Variants in RPS6KC1 observed in about 807,000 individuals in gnomAD.
The protein encoded by RPS6KC1 is ribosomal protein S6 kinase C1, also known as inactive ribosomal protein S6 kinase delta-1.
A neutral mutation model predicts 103.8 loss-of-function variants in RPS6KC1; 54 were observed. The observed-to-expected ratio is 0.52, with a 90% confidence interval of 0.42 to 0.65. The LOEUF (loss-of-function observed/expected upper bound fraction) is 0.65. Ranked by LOEUF, RPS6KC1 falls within the 30% of genes least tolerant of loss-of-function variation. The probability of loss-of-function intolerance (pLI) is 0.00; values close to 1 mark genes in which losing one functional copy is unlikely to be tolerated. For missense variants in RPS6KC1, 1,151 were observed against 1,253.8 expected (o/e 0.92, Z 1.24); for synonymous variants, 439 against 438.7 (o/e 1.00, Z -0.01).
At chr1:213,171,300 G>A (rs934682213) in intron 7 of RPS6KC1, among the ~76,000 whole-genome samples, 6 of 150,566 alleles carry the variant, frequency 4.0e-5, no homozygotes, top group Non-Finnish European at 8.9e-5. Context: ...AAGGAAATGA[G>A]GTTTTTTTTA....
chr1:213,062,552 G>C (rs1170613122), intron 1 of RPS6KC1, among the ~76,000 whole-genome samples: 1 of 151,960 alleles, frequency 6.6e-6, no homozygotes, highest in Non-Finnish European at 1.5e-5. Flanking sequence ...AGATAAGAGA[G>C]TGCTTTTGAA....
chr1:213,336,880 T>C, the RPS6KC1 span, among the ~76,000 whole-genome samples: 1 of 152,214 alleles, frequency 6.6e-6, no homozygotes, highest in Non-Finnish European at 1.5e-5. Flanking sequence ...GGGGGTACCA[T>C]TCCCATTGTA....
At chr1:213,718,903 C>T in the RPS6KC1 span, among the ~76,000 whole-genome samples, 37,626 of 152,114 alleles carry the variant, frequency 0.25, 5,842 homozygotes, top group East Asian at 0.55. Flanking sequence ...GCTGCTGGTG[C>T]GTTGACTGCA....
At chr1:213,854,806 C>T in the RPS6KC1 span, among the ~76,000 whole-genome samples, 4 of 152,222 alleles carry the variant, frequency 2.6e-5, no homozygotes, top group African/African-American at 7.2e-5. Context: ...TGGTTAGAGT[C>T]TTCGCTGAGC....
At chr1:213,364,826 C>T in the RPS6KC1 span, among the ~76,000 whole-genome samples, 30 of 151,998 alleles carry the variant, frequency 2.0e-4, no homozygotes, top group South Asian at 2.1e-4. Context: ...GGCATAGTGG[C>T]GGGCACCTGT....
At chr1:213,807,200 G>A in the RPS6KC1 span, among the ~76,000 whole-genome samples, 12 of 152,136 alleles carry the variant, frequency 7.9e-5, no homozygotes, top group African/African-American at 2.7e-4. Flanking sequence ...TTTCTCTCTG[G>A]CTGCCCTTAG....
the RPS6KC1 span, among the ~76,000 whole-genome samples, chr1:213,724,805 A>G: frequency 6.6e-6 from 1 of 152,220 alleles, no homozygotes; most frequent in African/African-American, 2.4e-5. Flanking sequence ...AAGTACTTAC[A>G]TTTGTTGCTG....
chr1:213,754,557 C>T, the RPS6KC1 span, among the ~76,000 whole-genome samples: 2 of 152,260 alleles, frequency 1.3e-5, no homozygotes, highest in South Asian at 2.1e-4. Flanking sequence ...AAGTGTGTAG[C>T]ACCTTCCACC....
At chr1:213,621,476 G>A in the RPS6KC1 span, among the ~76,000 whole-genome samples, 13 of 152,068 alleles carry the variant, frequency 8.5e-5, no homozygotes, top group African/African-American at 2.7e-4. Flanking sequence ...GTCACATGAC[G>A]CCTAAGTCAC....
chr1:213,559,749 AT>A, the RPS6KC1 span, among the ~76,000 whole-genome samples: 5 of 152,222 alleles, frequency 3.3e-5, no homozygotes, highest in African/African-American at 4.8e-5. Flanking sequence ...GTGTAATTTA[AT>A]TTTTTTATAG....
the RPS6KC1 span, among the ~76,000 whole-genome samples, chr1:213,828,513 C>T: frequency 2.0e-5 from 3 of 152,054 alleles, no homozygotes; most frequent in South Asian, 2.1e-4. Context: ...AATCAGAAAC[C>T]GGATTGAACT....
chr1:213,439,020 T>A, the RPS6KC1 span, among the ~76,000 whole-genome samples: 2 of 152,178 alleles, frequency 1.3e-5, no homozygotes, highest in South Asian at 4.2e-4. Flanking sequence ...GGTCTCGATC[T>A]CCTGACCTCA....
the RPS6KC1 span, among the ~76,000 whole-genome samples, chr1:213,646,326 T>C: frequency 6.6e-6 from 1 of 152,272 alleles, no homozygotes; most frequent in South Asian, 2.1e-4. Context: ...AGTTGGACTT[T>C]GGAAGAAGAG....
chr1:213,735,862 T>A, the RPS6KC1 span, among the ~76,000 whole-genome samples: 2 of 152,230 alleles, frequency 1.3e-5, no homozygotes, highest in African/African-American at 4.8e-5. Flanking sequence ...GACTTGTTTT[T>A]AAAACCTGAT....
chr1:213,638,224 T>A, the RPS6KC1 span, among the ~76,000 whole-genome samples: 1 of 152,164 alleles, frequency 6.6e-6, no homozygotes, highest in Non-Finnish European at 1.5e-5. Flanking sequence ...TTTTGCCGAA[T>A]TTTTAGCTGG....
At chr1:213,328,786 A>G in the RPS6KC1 span, among the ~76,000 whole-genome samples, 1 of 152,020 alleles carries the variant, frequency 6.6e-6, no homozygotes, top group African/African-American at 2.4e-5. Flanking sequence ...CTGTAAATGG[A>G]CCCTACAATG....
At chr1:213,778,040 T>A in the RPS6KC1 span, among the ~76,000 whole-genome samples, 1 of 152,114 alleles carries the variant, frequency 6.6e-6, no homozygotes, top group African/African-American at 2.4e-5. Context: ...GCAGCCAGGG[T>A]ACTCAGGCAG....
intron 8 of RPS6KC1, among the ~76,000 whole-genome samples, chr1:213,189,896 A>G (rs1284319557): frequency 6.6e-6 from 1 of 152,168 alleles, no homozygotes; most frequent in East Asian, 1.9e-4. Context: ...AAGTGAGTAC[A>G]TGCAAAGTTT....
rs141044428 is a variant in RPS6KC1 at position 213,118,890 on chromosome 1, G to A, written c.472+1480G>A. 5.3e-5 allele frequency among the ~76,000 whole-genome samples: 8 copies of A among 151,932 alleles called. No individual in the cohort carries two copies. The East Asian group carries it at 1.4e-3, about 26-fold the overall frequency. Reference sequence around the variant, plus strand: ...CTTTATAATCTATTATTTTTTTTGTGTGTGTGTCGGGGGCGGTGGTGGTAA... The same window carrying A: ...CTTTATAATCTATTATTTTTTTTGTATGTGTGTCGGGGGCGGTGGTGGTAA... On this transcript the variant is annotated intron_variant, in intron 5 of 14. Transcript: ENST00000366960.
Sources: allele counts gnomAD v4.1 joint callset (sites outside exome capture counted in the v4.1 genomes callset), GRCh38; gene constraint gnomAD v4.1.1; transcripts MANE v1.5; gene names NCBI Gene and HGNC (gene_info 2026-07-23, HGNC 2026-07-21).